Variants in NOB1 observed in about 807,000 individuals in gnomAD.
NOB1 encodes RNA-binding protein NOB1.
In NOB1, 44 loss-of-function variants were observed where a neutral mutation model predicts 44.8. The observed-to-expected ratio is 0.98, with a 90% CI of 0.77 to 1.26. The LOEUF (loss-of-function observed/expected upper bound fraction) is 1.26, where lower values mean the gene tolerates loss of function less well. NOB1 is among the 50% of genes most tolerant of loss of function. The pLI, the probability that NOB1 is intolerant of heterozygous loss-of-function variation, is 0.00. For synonymous variants in NOB1, 238 were observed against 218.7 expected (o/e 1.09, Z -0.78); for missense variants, 560 against 544.8 (o/e 1.03, Z -0.28).
chr16:69,745,410 G>T (rs367989267), intron 7 of NOB1, among the ~76,000 whole-genome samples: 1 of 152,206 alleles, frequency 6.6e-6, no homozygotes, highest in African/African-American at 2.4e-5. Flanking sequence ...CTGGTCCATG[G>T]CAGATAAACC....
intron 2 of NOB1, 122 bp from the exon 3 acceptor site, chr16:69,752,493 G>C: frequency 9.8e-7 from 1 of 1,017,886 alleles, no homozygotes; most frequent in Non-Finnish European, 1.4e-6. Flanking sequence ...AAACAATTTA[G>C]AAAGGATCAC....
intron 1 of NOB1, 24 bp from the exon 2 acceptor site, chr16:69,754,750 A>C (rs201300304): frequency 6.2e-7 from 1 of 1,613,840 alleles, no homozygotes; most frequent in East Asian, 2.2e-5. Context: ...GCCCCAGCTC[A>C]GACCCACCCG....
At position 69,749,197 on chromosome 16, in the gene NOB1, A is replaced by G. The variant is rs754895060; in HGVS notation, c.525+16T>C. 1.9e-6 allele frequency: 3 copies of G among 1,612,846 alleles called. No homozygotes were observed. Among genetic ancestry groups the G allele is most frequent in the African/African-American group, 1.3e-5 (1 of 74,842 alleles). On this transcript the variant is annotated intron_variant, in intron 5 of 8. Transcript: ENST00000268802. ...AAGTTGAGCTGTCGTCAGAAGACCA[A>G]AAGTCAAGGCCTCACCAGCAGCTCC... is the stretch of plus-strand genomic sequence containing the variant.
intron 2 of NOB1, 110 bp downstream of exon 2, chr16:69,754,484 T>A: frequency 6.9e-7 from 1 of 1,440,200 alleles, no homozygotes; most frequent in Non-Finnish European, 9.4e-7. Context: ...AAGTGCTGGC[T>A]CTAAATCTAC....
At position 69,754,586 on chromosome 16, in the gene NOB1, G is replaced by A. The variant is rs2151755462; in HGVS notation, c.196+8C>T. On this transcript the variant is annotated splice_region_variant and intron_variant, in intron 2 of 8. Transcript: ENST00000268802. ...GCTTCCCGTCAACGCTAGGGCAGAG[G>A]CACTCACCCAGCCGCACGTATTCCG... 2 of 1,613,838 alleles carry A rather than the reference G, an allele frequency of 1.2e-6. No individual in the cohort carries two copies. Among genetic ancestry groups the A allele is most frequent in the East Asian group, 2.2e-5 (1 of 44,886 alleles).
At chr16:69,749,509 G>T in intron 4 of NOB1, 50 bp downstream of exon 4, 2 of 1,562,170 alleles carry the variant, frequency 1.3e-6, no homozygotes, top group South Asian at 1.1e-5. Flanking sequence ...AGAGAGATGT[G>T]ACATGTTTCA....
At chr16:69,742,745 G>A (rs1422687315) in intron 8 of NOB1, 144 bp from the exon 9 acceptor site, 8 of 786,824 alleles carry the variant, frequency 1.0e-5, no homozygotes, top group East Asian at 2.6e-5. Context: ...CATGTGCTAC[G>A]TGTGACATGC....
At position 69,748,225 on chromosome 16, in the gene NOB1, T is replaced by C. The variant is rs766014415; in HGVS notation, c.824+7A>G. On this transcript the variant is annotated splice_region_variant and intron_variant, in intron 7 of 8. Coordinates refer to ENST00000268802, the MANE Select transcript of NOB1 (RefSeq NM_014062.3). ...AGGGCACCAGGGCCAGGGCACCAGCTACATACTTGAAACAGCCATGGCAGC... is the reference window on the plus strand; with the variant it reads ...AGGGCACCAGGGCCAGGGCACCAGCCACATACTTGAAACAGCCATGGCAGC... The C allele has an allele frequency of 8.1e-6, 13 of 1,609,536 alleles. No individual in the cohort carries two copies. The highest frequency in any genetic ancestry group is 1.0e-5 in the Non-Finnish European group (12 of 1,176,026).
chr16:69,744,825 T>C lies in NOB1; in HGVS notation c.969+48A>G, dbSNP rs368496320. 32 of 1,592,814 alleles carry C rather than the reference T, an allele frequency of 2.0e-5. No homozygotes were observed. In the African/African-American group the frequency reaches 3.9e-4, roughly 19 times the overall value. On this transcript the variant is annotated intron_variant, in intron 8 of 8. Transcript: ENST00000268802. ...CTAGGTTTTCTTTTGTCCTTTCTGT[T>C]CTTTTTCACTCTGGTGTTGGGAGGG...
rs144970081 is a variant in NOB1, at chr16:69,752,355, C to G, written c.213G>C (p.Lys71Asn). Residue 71 changes from lysine (K) to asparagine (N), a missense_variant, in exon 3 of 9, where the codon AAG becomes AAC. Physicochemically the swap from Lys to Asn is moderately conservative, Grantham distance 94. Coordinates refer to ENST00000268802, the MANE Select transcript of NOB1 (RefSeq NM_014062.3). ...AGAGGCTGGGGTAGTCTCCTGTTTTCTTTGAAAACTCAGTCACTGTAAACA... is the reference window on the plus strand; with the variant it reads ...AGAGGCTGGGGTAGTCTCCTGTTTTGTTTGAAAACTCAGTCACTGTAAACA... The part of the protein sequence containing the change: ...EYVRLVTEFS[K>N]KTGDYPSLSA... 13,215 of 1,613,014 alleles carry G rather than the reference C, an allele frequency of 8.2e-3. 75 individuals carry two copies. The highest frequency in any genetic ancestry group is 9.7e-3 in the Non-Finnish European group (11,496 of 1,179,094).
In NOB1 at chr16:69,742,079, C is replaced by T. The variant is rs947472924; in HGVS notation, c.*253G>A. 2.5e-5 allele frequency: 11 copies of T among 448,324 alleles called. No individual in the cohort carries two copies. The highest frequency in any genetic ancestry group is 4.4e-5 in the Non-Finnish European group (11 of 251,380). 27.8% of individuals were successfully genotyped at this position (448,324 alleles called of 1,614,324 possible). A position where few individuals can be genotyped will look rare whatever the true frequency, so the allele number is the denominator to read the frequency against. On this transcript the variant is annotated 3_prime_UTR_variant, in exon 9 of 9. Transcript: ENST00000268802. ...GAAATTCCTTTCTTGAAGATTGGCT[C>T]CAGGGCGTTGTTCTTTCTGTTTTTA... is the stretch of plus-strand genomic sequence containing the variant.
Position 69,754,598 on chromosome 16 carries a change from C to A in NOB1, c.192G>T (p.Arg64=), listed in dbSNP as rs896586188. 5 of 1,614,088 alleles carry A rather than the reference C, an allele frequency of 3.1e-6. No individual in the cohort carries two copies. The highest frequency in any genetic ancestry group is 4.2e-6 in the Non-Finnish European group (5 of 1,180,012). Residue 64 remains arginine, a synonymous_variant, in exon 2 of 9, where the codon CGG becomes CGT. Coordinates refer to ENST00000268802, the MANE Select transcript of NOB1 (RefSeq NM_014062.3). The stretch of plus-strand genomic sequence containing the variant: ...CGCTAGGGCAGAGGCACTCACCCAG[C>A]CGCACGTATTCCGGTAAGGGCTCCT... The part of the protein sequence containing the change: ...RFKEPLPEYV[R]LVTEFSKKTG...
At chr16:69,747,222 C>CAAAAAAAAAAAA (rs35257586) in intron 7 of NOB1, among the ~76,000 whole-genome samples, 3 of 78,602 alleles carry the variant, frequency 3.8e-5, no homozygotes, top group Non-Finnish European at 6.8e-5. Flanking sequence ...ACCCTGTCTC[C>CAAAAAAAAAAAA]AAAAAAAAAA....
Position 69,744,922 on chromosome 16 carries a change from T to C in NOB1, c.920A>G (p.His307Arg). ...SVTVSDDGTL[H>R]MHFSRNPKVL... ...CTTGGGGTTGCGGGAGAAGTGCATG[T>C]GCAGGGTGCCGTCGTCGCTGACGGT... Residue 307 changes from histidine (H) to arginine (R), a missense_variant, in exon 8 of 9, where the codon CAC becomes CGC. By Grantham distance (29) the His-to-Arg change is conservative. Coordinates refer to ENST00000268802, the MANE Select transcript of NOB1 (RefSeq NM_014062.3). 6.2e-7 allele frequency: 1 copy of C among 1,614,114 alleles called. No homozygotes were observed. The highest frequency in any genetic ancestry group is 1.1e-5 in the South Asian group (1 of 91,080).
Position 69,744,823 on chromosome 16 carries a change from GTTCT to G in NOB1, c.969+46_969+49del, listed in dbSNP as rs1233443548. 8 of 1,589,756 alleles carry G rather than the reference GTTCT, an allele frequency of 5.0e-6. No homozygotes were observed. The Admixed American group carries it at 1.3e-4, about 25-fold the overall frequency. On this transcript the variant is annotated intron_variant, in intron 8 of 8. Coordinates refer to ENST00000268802, the MANE Select transcript of NOB1 (RefSeq NM_014062.3). ...GACTAGGTTTTCTTTTGTCCTTTCT[GTTCT>G]TTTTCACTCTGGTGTTGGGAGGGGA...
chr16:69,742,485 G>C lies in NOB1; in HGVS notation c.1086C>G (p.Phe362Leu), dbSNP rs199823310. The change falls in exon 9 of 9, where the codon TTC becomes TTG. Residue 362 changes from phenylalanine (F) to leucine (L), a missense_variant. Coordinates refer to ENST00000268802, the MANE Select transcript of NOB1 (RefSeq NM_014062.3). ...ACACCCCGGCGATGTAGTCAGGGGC[G>C]AACACGTTGGTTTTCTGCCTGGCCT... Reference protein sequence around the residue: ...SQKARQKTNVFAPDYIAGVSP... With the variant: ...SQKARQKTNVLAPDYIAGVSP... 6.2e-7 allele frequency: 1 copy of C among 1,614,234 alleles called. No individual in the cohort carries two copies. The highest frequency in any genetic ancestry group is 8.5e-7 in the Non-Finnish European group (1 of 1,180,044).
chr16:69,748,832 G>A, intron 6 of NOB1, 86 bp downstream of exon 6: 1 of 1,226,244 alleles, frequency 8.2e-7, no homozygotes, highest in Admixed American at 2.7e-5. Flanking sequence ...GCGCTGCACA[G>A]CACCAGTTCC....
intron 3 of NOB1, 108 bp from the exon 4 acceptor site, chr16:69,749,738 G>A: frequency 1.3e-6 from 1 of 789,288 alleles, no homozygotes; most frequent in East Asian, 2.8e-5. Flanking sequence ...AGCACTTTAG[G>A]AGGCCGAGGT....
intron 8 of NOB1, among the ~76,000 whole-genome samples, chr16:69,744,024 C>T (rs138289333): frequency 3.4e-4 from 52 of 152,272 alleles, no homozygotes; most frequent in African/African-American, 1.2e-3. Flanking sequence ...ATCCAGGTGA[C>T]GGGTAAACAG....
Sources: gnomAD v4.1 joint callset for allele counts (sites outside exome capture counted in the v4.1 genomes callset) on GRCh38, gnomAD v4.1.1 for gene constraint, MANE v1.5 for transcripts, NCBI Gene and HGNC (gene_info 2026-07-23, HGNC 2026-07-21) for gene names.